CELF2: variants seen among roughly 807,000 people sequenced by gnomAD.
CELF2 encodes the protein CUGBP Elav-like family member 2, also known as CUG triplet repeat RNA-binding protein 2.
A neutral mutation model predicts 62.6 loss-of-function variants in CELF2; 8 were observed. The observed-to-expected ratio is 0.13, with a 90% CI of 0.07 to 0.23. CELF2 has a LOEUF of 0.23. CELF2 is among the 10% of genes least tolerant of loss of function. The pLI is 1.00. For synonymous variants in CELF2, 258 were observed against 250.0 expected, an observed-to-expected ratio of 1.03 and a Z score of -0.30; for missense variants, 333 against 671.0, an observed-to-expected ratio of 0.50 and a Z score of 5.56.
the CELF2 span, among the ~76,000 whole-genome samples, chr10:10,619,492 G>A: frequency 3.9e-5 from 6 of 152,220 alleles, no homozygotes; most frequent in Non-Finnish European, 8.8e-5. Context: ...TAGTCCACAG[G>A]TTTGTTGTGT....
At chr10:10,765,933 C>CT in the CELF2 span, among the ~76,000 whole-genome samples, 5 of 152,276 alleles carry the variant, frequency 3.3e-5, no homozygotes, top group East Asian at 7.7e-4. Flanking sequence ...AAGGCACAAG[C>CT]ACACTGGGCC....
At chr10:11,148,594 G>A (rs553468329) in intron 1 of CELF2, among the ~76,000 whole-genome samples, 1 of 152,286 alleles carries the variant, frequency 6.6e-6, no homozygotes, top group Middle Eastern at 3.4e-3. Context: ...CGATAGCATT[G>A]TGTCCTTTCT....
the CELF2 span, among the ~76,000 whole-genome samples, chr10:10,613,039 C>T: frequency 6.6e-6 from 1 of 152,124 alleles, no homozygotes; most frequent in African/African-American, 2.4e-5. Context: ...GTCAAGCAGC[C>T]TAAAGAAACG....
At position 10,836,909 on chromosome 10, in the gene CELF2, A is replaced by G. The variant is rs4749996; in HGVS notation, c.53+38092A>G. Among the ~76,000 whole-genome samples the G allele has an allele frequency of 2.4e-3, 358 of 152,340 alleles. 5 individuals are homozygous for G. The highest frequency in any genetic ancestry group is 0.021 in the East Asian group (108 of 5,184). On this transcript the variant is annotated intron_variant, in intron 1 of 13. Coordinates refer to the CELF2 transcript ENST00000636488. The stretch of plus-strand genomic sequence containing the variant: ...CTTGTCCTCTCAAAGTGCTGGGATT[A>G]CAGGCTTGAGCCACCACACCTGGCC...
the CELF2 span, among the ~76,000 whole-genome samples, chr10:10,676,377 T>C: frequency 2.0e-5 from 3 of 152,232 alleles, no homozygotes; most frequent in African/African-American, 7.2e-5. Context: ...GATAAAACTC[T>C]AGCACATTAG....
intron 1 of CELF2, among the ~76,000 whole-genome samples, chr10:11,033,064 G>C (rs553032016): frequency 6.6e-6 from 1 of 152,110 alleles, no homozygotes; most frequent in African/African-American, 2.4e-5. Context: ...ACAGTGCATC[G>C]ACAAGGGTGT....
intron 1 of CELF2, among the ~76,000 whole-genome samples, chr10:11,149,868 A>C (rs1005168878): frequency 2.0e-5 from 3 of 152,216 alleles, no homozygotes; most frequent in Non-Finnish European, 4.4e-5. Flanking sequence ...GTCTTCAGGT[A>C]TTCAGCACTT....
chr10:10,644,701 G>C, the CELF2 span, among the ~76,000 whole-genome samples: 1 of 152,122 alleles, frequency 6.6e-6, no homozygotes, highest in Non-Finnish European at 1.5e-5. Flanking sequence ...TGGTTTGCTA[G>C]AAAAATGAAA....
At chr10:10,952,125 A>C (rs2048384583) in intron 2 of CELF2, 1 of 152,270 alleles carries the variant, frequency 6.6e-6, no homozygotes, top group South Asian at 2.1e-4. Context: ...GCAGGCATCC[A>C]AGGGGCGTAT....
At position 11,331,338 on chromosome 10, in the gene CELF2, T is replaced by C. The variant is rs2096012971; in HGVS notation, c.*2285T>C. On this transcript the variant is annotated 3_prime_UTR_variant, in exon 13 of 13. Coordinates refer to ENST00000633077, the MANE Select transcript of CELF2 (RefSeq NM_001326342.2). ...AGTTGTTTGCTTAAAAAAAATTTCA[T>C]GTGAGGGAAAAAAAAAAAACCTATT... 6.7e-6 allele frequency: 1 copy of C among 150,230 alleles called. No homozygotes were observed. The highest frequency in any genetic ancestry group is 2.1e-4 in the South Asian group (1 of 4,736). 9.3% of individuals were successfully genotyped at this position (150,230 alleles called of 1,614,324 possible).
chr10:11,102,604 C>A (rs2052022905), intron 1 of CELF2, among the ~76,000 whole-genome samples: 2 of 152,202 alleles, frequency 1.3e-5, no homozygotes, highest in Non-Finnish European at 2.9e-5. Flanking sequence ...CAAGTTCAGC[C>A]ATGCTGGTGG....
At chr10:10,651,186 G>A in the CELF2 span, among the ~76,000 whole-genome samples, 1 of 121,752 alleles carries the variant, frequency 8.2e-6, no homozygotes, top group South Asian at 4.1e-4. Flanking sequence ...GGCGCACCAC[G>A]AGATTATATC....
chr10:10,658,725 A>G, the CELF2 span, among the ~76,000 whole-genome samples: 7 of 152,190 alleles, frequency 4.6e-5, no homozygotes, highest in East Asian at 9.6e-4. Context: ...TTGTGAGTCT[A>G]TTCTATGTAG....
At chr10:11,281,895 C>T (rs1455703999) in intron 8 of CELF2, among the ~76,000 whole-genome samples, 2 of 152,156 alleles carry the variant, frequency 1.3e-5, no homozygotes, top group Admixed American at 6.5e-5. Flanking sequence ...GGCATTCAGG[C>T]GAGTTGCACA....
At chr10:11,058,268 A>G (rs1196417869) in intron 1 of CELF2, among the ~76,000 whole-genome samples, 1 of 152,160 alleles carries the variant, frequency 6.6e-6, no homozygotes, top group African/African-American at 2.4e-5. Flanking sequence ...GTCTGACTGT[A>G]TATAGCTGTC....
chr10:10,988,550 A>G (rs950158335), intron 2 of CELF2, among the ~76,000 whole-genome samples: 6 of 152,108 alleles, frequency 3.9e-5, no homozygotes, highest in African/African-American at 9.7e-5. Context: ...AACAGACTAC[A>G]TATTAGGTAC....
chr10:11,043,686 A>C lies in CELF2; in HGVS notation c.74+25523A>C, dbSNP rs1377542303. Among the ~76,000 whole-genome samples, 6 of 152,246 alleles carry C rather than the reference A, an allele frequency of 3.9e-5. No individual in the cohort carries two copies. The East Asian group carries it at 1.2e-3, about 29-fold the overall frequency. On this transcript the variant is annotated intron_variant, in intron 1 of 12. Transcript: ENST00000633077. ...CCACATTCTCCACATCCAGGCCATCAACAACCTTGTGGGTTCCGCGTTCCA... is the reference window on the plus strand; with the variant it reads ...CCACATTCTCCACATCCAGGCCATCCACAACCTTGTGGGTTCCGCGTTCCA...
At chr10:11,160,289 G>C (rs2065413971) in intron 1 of CELF2, among the ~76,000 whole-genome samples, 1 of 152,218 alleles carries the variant, frequency 6.6e-6, no homozygotes, top group Non-Finnish European at 1.5e-5. Flanking sequence ...CTAGAGTTAA[G>C]TGGTTGCTGA....
the CELF2 span, among the ~76,000 whole-genome samples, chr10:10,544,298 T>C: frequency 6.6e-6 from 1 of 152,196 alleles, no homozygotes; most frequent in East Asian, 1.9e-4. Context: ...AGGGAGCAAT[T>C]GAAGACCAGA....
Sources: allele counts gnomAD v4.1 joint callset (sites outside exome capture counted in the v4.1 genomes callset), GRCh38; gene constraint gnomAD v4.1.1; transcripts MANE v1.5; gene names NCBI Gene and HGNC (gene_info 2026-07-23, HGNC 2026-07-21).